The following DEUP1 variants were observed in gnomAD, a reference collection of about 807,000 sequenced individuals.
DEUP1 encodes deuterosome assembly protein 1.
In DEUP1, 82 loss-of-function variants were observed where a neutral mutation model predicts 87.4. The observed-to-expected ratio is 0.94, with a 90% CI of 0.78 to 1.13. The LOEUF (loss-of-function observed/expected upper bound fraction) is 1.13, where lower values mean the gene tolerates loss of function less well. Ranked by LOEUF, DEUP1 falls within the 50% of genes most tolerant of loss-of-function variation. The pLI, the probability that DEUP1 is intolerant of heterozygous loss-of-function variation, is 0.00. For missense variants in DEUP1, 663 were observed against 681.5 expected, an observed-to-expected ratio of 0.97 and a Z score of 0.30; for synonymous variants, 214 against 222.7, an observed-to-expected ratio of 0.96 and a Z score of 0.35.
chr11:93,402,435 G>C (rs1258327896), intron 11 of DEUP1, among the ~76,000 whole-genome samples: 1 of 152,002 alleles, frequency 6.6e-6, no homozygotes, highest in Non-Finnish European at 1.5e-5. Flanking sequence ...AGCACCTATG[G>C]AGAACAGTAT....
At chr11:93,350,303 C>T (rs1274942495) in intron 2 of DEUP1, among the ~76,000 whole-genome samples, 2 of 152,108 alleles carry the variant, frequency 1.3e-5, no homozygotes, top group Non-Finnish European at 2.9e-5. Flanking sequence ...ACACTGATGA[C>T]TGTATTCAGT....
At chr11:93,433,137 C>T (rs1948150705) in intron 13 of DEUP1, among the ~76,000 whole-genome samples, 1 of 152,118 alleles carries the variant, frequency 6.6e-6, no homozygotes, top group South Asian at 2.1e-4. Context: ...CATTATTATT[C>T]AAAATTGAAT....
intron 4 of DEUP1, among the ~76,000 whole-genome samples, chr11:93,362,411 A>C (rs1014610778): frequency 6.6e-6 from 1 of 151,950 alleles, no homozygotes; most frequent in Non-Finnish European, 1.5e-5. Flanking sequence ...ATTTGAATAG[A>C]TATTTCTCCA....
In DEUP1 at chr11:93,408,221, T is replaced by C. The variant is rs749392218; in HGVS notation, c.1327-10T>C. 8 of 1,517,382 alleles carry C rather than the reference T, an allele frequency of 5.3e-6. No individual in the cohort carries two copies. The highest frequency in any genetic ancestry group is 3.5e-4 in the Middle Eastern group (2 of 5,766). The allele number at this position is 1,517,382 out of a possible 1,614,324, so 94.0% of individuals were successfully genotyped here. A position where few individuals can be genotyped will look rare whatever the true frequency, so the allele number is the denominator to read the frequency against. ...CAGTTTATTCAATGATAGTTTATTT[T>C]ATTCTCTAGAGTATGGACTTCACTA... is the stretch of plus-strand genomic sequence containing the variant. On this transcript the variant is annotated splice_polypyrimidine_tract_variant and intron_variant, in intron 11 of 13. Coordinates refer to ENST00000298050, the MANE Select transcript of DEUP1 (RefSeq NM_181645.4).
chr11:93,387,638 C>T (rs1005062979), intron 8 of DEUP1, among the ~76,000 whole-genome samples: 1 of 152,042 alleles, frequency 6.6e-6, no homozygotes, highest in South Asian at 2.1e-4. Context: ...CATTCACTCA[C>T]TGAATTTTGC....
At chr11:93,367,867 T>A (rs1420286087) in intron 5 of DEUP1, among the ~76,000 whole-genome samples, 1 of 152,226 alleles carries the variant, frequency 6.6e-6, no homozygotes, top group Non-Finnish European at 1.5e-5. Flanking sequence ...TACTGTACCA[T>A]GTTTTTGTTC....
At chr11:93,418,967 G>A (rs1349322194) in intron 13 of DEUP1, among the ~76,000 whole-genome samples, 1 of 150,860 alleles carries the variant, frequency 6.6e-6, no homozygotes, top group Non-Finnish European at 1.5e-5. Flanking sequence ...TCACTCATAG[G>A]TGGGAATTGA....
chr11:93,402,962 T>C (rs1186634088), intron 11 of DEUP1, among the ~76,000 whole-genome samples: 2 of 151,920 alleles, frequency 1.3e-5, no homozygotes, highest in Non-Finnish European at 2.9e-5. Context: ...AGGTAACATA[T>C]ATGTATGATC....
chr11:93,398,910 A>G (rs1947025784), intron 11 of DEUP1, among the ~76,000 whole-genome samples: 2 of 151,806 alleles, frequency 1.3e-5, no homozygotes, highest in Non-Finnish European at 2.9e-5. Context: ...TTTAGTAGAG[A>G]TGGGGTTTAG....
intron 13 of DEUP1, among the ~76,000 whole-genome samples, chr11:93,432,771 A>C (rs1948142394): frequency 6.6e-6 from 1 of 152,170 alleles, no homozygotes; most frequent in African/African-American, 2.4e-5. Context: ...AAAAGTAAAG[A>C]GTCTAAATGA....
chr11:93,368,719 G>A (rs1177150721), intron 5 of DEUP1, among the ~76,000 whole-genome samples: 3 of 152,244 alleles, frequency 2.0e-5, no homozygotes, highest in East Asian at 1.9e-4. Context: ...GGCAGATCAC[G>A]AGGTCAGGAG....
chr11:93,436,838 C>T (rs976599961), intron 13 of DEUP1, among the ~76,000 whole-genome samples: 9 of 152,058 alleles, frequency 5.9e-5, no homozygotes, highest in Admixed American at 1.3e-4. Flanking sequence ...CTTTTCAAAA[C>T]GAAGAATTGT....
At chr11:93,379,548 G>T (rs921628834) in intron 7 of DEUP1, among the ~76,000 whole-genome samples, 33 of 152,174 alleles carry the variant, frequency 2.2e-4, no homozygotes, top group African/African-American at 8.0e-4. Context: ...ACTCCTGGTG[G>T]CAAGGAGAGG....
intron 11 of DEUP1, among the ~76,000 whole-genome samples, chr11:93,406,543 A>G (rs1591237057): frequency 6.6e-6 from 1 of 151,950 alleles, no homozygotes; most frequent in East Asian, 1.9e-4. Context: ...AGTGAATATT[A>G]GCTTTTAGGA....
intron 2 of DEUP1, among the ~76,000 whole-genome samples, chr11:93,337,017 T>C (rs1359552544): frequency 6.6e-6 from 1 of 152,222 alleles, no homozygotes; most frequent in Non-Finnish European, 1.5e-5. Context: ...ATTCTGTGAC[T>C]TTTATCTTAG....
intron 11 of DEUP1, among the ~76,000 whole-genome samples, chr11:93,402,108 A>AT (rs1947136973): frequency 6.6e-6 from 1 of 151,894 alleles, no homozygotes; most frequent in Non-Finnish European, 1.5e-5. Flanking sequence ...AACTATCCAT[A>AT]TGACAAGGAA....
At chr11:93,389,896 A>G (rs1017450193) in intron 9 of DEUP1, among the ~76,000 whole-genome samples, 2 of 152,214 alleles carry the variant, frequency 1.3e-5, no homozygotes, top group African/African-American at 4.8e-5. Flanking sequence ...TTCACTGAGC[A>G]CCTAACATGT....
chr11:93,354,152 A>G (rs1032659140), intron 2 of DEUP1, among the ~76,000 whole-genome samples: 4 of 152,190 alleles, frequency 2.6e-5, no homozygotes, highest in Non-Finnish European at 5.9e-5. Flanking sequence ...CTTCTGCCAG[A>G]TACCCTAAAT....
chr11:93,370,044 AAT>A (rs756580836), intron 5 of DEUP1, 27 bp from the exon 6 acceptor site: 2 of 1,141,308 alleles, frequency 1.8e-6, no homozygotes, highest in Non-Finnish European at 2.6e-6. Flanking sequence ...AACATTTTTA[AAT>A]ATGTTTGTCT....
Sources: gnomAD v4.1 joint callset for allele counts (sites outside exome capture counted in the v4.1 genomes callset) on GRCh38, gnomAD v4.1.1 for gene constraint, MANE v1.5 for transcripts, NCBI Gene and HGNC (gene_info 2026-07-23, HGNC 2026-07-21) for gene names.